Variants in SYN2 observed in about 807,000 individuals in gnomAD.
The protein encoded by SYN2 is synapsin-2.
In SYN2, 19 loss-of-function variants were observed where a neutral mutation model predicts 50.9. The ratio of observed to expected loss-of-function variants is 0.37; its 90% CI spans 0.26 to 0.55. SYN2 has a LOEUF of 0.55. SYN2 is among the 20% of genes least tolerant of loss of function. SYN2 has a pLI of 0.81. For synonymous variants in SYN2, 255 were observed against 224.9 expected (o/e 1.13, Z -1.20); for missense variants, 587 against 576.4 (o/e 1.02, Z -0.19).
intron 1 of SYN2, among the ~76,000 whole-genome samples, chr3:12,073,997 T>G (rs998620261): frequency 2.6e-5 from 4 of 152,164 alleles, no homozygotes; most frequent in Non-Finnish European, 5.9e-5. Flanking sequence ...TCTGTCAACT[T>G]TTGCTTCATA....
chr3:12,155,741 C>T (rs1013829588), intron 5 of SYN2, among the ~76,000 whole-genome samples: 3 of 152,190 alleles, frequency 2.0e-5, no homozygotes, highest in African/African-American at 7.2e-5. Context: ...ACTTGACCTC[C>T]CTGAAGGCAG....
intron 1 of SYN2, among the ~76,000 whole-genome samples, chr3:12,054,639 G>A (rs992345854): frequency 1.5e-4 from 23 of 149,148 alleles, no homozygotes; most frequent in Non-Finnish European, 2.7e-4. Context: ...TGGACAATTT[G>A]GTATCTAGGA....
intron 1 of SYN2, among the ~76,000 whole-genome samples, chr3:12,074,347 G>T (rs1352205879): frequency 6.6e-6 from 1 of 152,008 alleles, no homozygotes; most frequent in Non-Finnish European, 1.5e-5. Flanking sequence ...TCTACTGTTT[G>T]TATAATGCTC....
intron 1 of SYN2, among the ~76,000 whole-genome samples, chr3:12,063,376 T>C (rs906357178): frequency 6.6e-6 from 1 of 151,994 alleles, no homozygotes; most frequent in South Asian, 2.1e-4. Context: ...GTCTGTAAGA[T>C]TAAAGGCAAA....
At chr3:12,189,676 A>G (rs1559461842) in intron 12 of SYN2, among the ~76,000 whole-genome samples, 1 of 152,162 alleles carries the variant, frequency 6.6e-6, no homozygotes, top group Non-Finnish European at 1.5e-5. Context: ...GGTGGCAACC[A>G]TCTGTAGTCC....
intron 7 of SYN2, among the ~76,000 whole-genome samples, chr3:12,166,812 C>T (rs1285825262): frequency 6.6e-6 from 1 of 152,124 alleles, no homozygotes; most frequent in Non-Finnish European, 1.5e-5. Flanking sequence ...AATGGGTAGG[C>T]GTCTGGGAAC....
intron 1 of SYN2, among the ~76,000 whole-genome samples, chr3:12,026,734 C>A (rs1694267504): frequency 6.6e-6 from 1 of 152,080 alleles, no homozygotes; most frequent in African/African-American, 2.4e-5. Context: ...ATCACTGAGC[C>A]ACTTTGTAAA....
intron 1 of SYN2, among the ~76,000 whole-genome samples, chr3:12,051,323 CT>C (rs1366208493): frequency 1.3e-4 from 19 of 147,692 alleles, no homozygotes; most frequent in Admixed American, 2.0e-4. Context: ...TCCCTGGTGG[CT>C]TTTTTTTTTG....
intron 5 of SYN2, chr3:12,159,005 C>T (rs1422460736): frequency 2.5e-5 from 26 of 1,027,762 alleles, no homozygotes; most frequent in South Asian, 9.1e-5. Flanking sequence ...CTAGGCCACC[C>T]GCGGAGGCAG....
At chr3:12,104,060 C>G (rs1156827109) in intron 1 of SYN2, among the ~76,000 whole-genome samples, 1 of 152,116 alleles carries the variant, frequency 6.6e-6, no homozygotes, top group Non-Finnish European at 1.5e-5. Flanking sequence ...AACAATAATA[C>G]TTAAATAAAG....
chr3:12,110,315 A>G (rs977947323), intron 1 of SYN2, among the ~76,000 whole-genome samples: 2 of 152,178 alleles, frequency 1.3e-5, no homozygotes, highest in African/African-American at 4.8e-5. Flanking sequence ...GCAGCTCTGT[A>G]CCTGTGACTT....
At chr3:12,129,939 A>T (rs308966) in intron 1 of SYN2, among the ~76,000 whole-genome samples, 96,972 of 151,852 alleles carry the variant, frequency 0.64, 33,587 homozygotes, top group Middle Eastern at 0.78. Flanking sequence ...TCCTCATAAG[A>T]AGAGAGACCA....
At chr3:12,143,318 T>C (rs969114734) in intron 3 of SYN2, among the ~76,000 whole-genome samples, 2 of 152,192 alleles carry the variant, frequency 1.3e-5, no homozygotes, top group East Asian at 3.8e-4. Flanking sequence ...GGGATTCATG[T>C]ACAGATTTGT....
chr3:12,013,887 T>C (rs895615863), intron 1 of SYN2, among the ~76,000 whole-genome samples: 2 of 152,216 alleles, frequency 1.3e-5, no homozygotes, highest in Non-Finnish European at 2.9e-5. Flanking sequence ...ACTGAACTGT[T>C]TGCACTTCCA....
At chr3:12,072,549 G>GGTT (rs1695380462) in intron 1 of SYN2, among the ~76,000 whole-genome samples, 2 of 152,208 alleles carry the variant, frequency 1.3e-5, no homozygotes, top group South Asian at 2.1e-4. Flanking sequence ...ATCGATATAT[G>GGTT]GTTGTCCCAG....
At chr3:12,158,927 C>T (rs543242075) in intron 5 of SYN2, 24 of 1,426,716 alleles carry the variant, frequency 1.7e-5, no homozygotes, top group Admixed American at 1.7e-4. Flanking sequence ...TTGTGCCCCT[C>T]GCCCCAGGCT....
intron 1 of SYN2, among the ~76,000 whole-genome samples, chr3:12,057,350 T>C (rs545405994): frequency 6.6e-6 from 1 of 151,060 alleles, no homozygotes; most frequent in East Asian, 2.0e-4. Flanking sequence ...TTTAAATCCC[T>C]TATTTTTAGG....
intron 1 of SYN2, among the ~76,000 whole-genome samples, chr3:12,059,601 C>T (rs902578088): frequency 6.6e-6 from 1 of 152,060 alleles, no homozygotes; most frequent in African/African-American, 2.4e-5. Context: ...AAAAACAACT[C>T]AGGGACATAC....
rs1215272162 is a variant in SYN2, at chr3:12,140,663, T to C, written c.390T>C (p.Phe130=). The part of the protein sequence containing the change: ...DEPHADWAKC[F]RGKKVLGDYD... The stretch of plus-strand genomic sequence containing the variant: ...TTCTTTTCTCCAGGGCCAAGTGCTT[T>C]CGGGGCAAAAAAGTCCTTGGAGATT... Residue 130 remains phenylalanine (F), a synonymous_variant, in exon 2 of 13, where the codon TTT becomes TTC. Coordinates refer to ENST00000621198, the MANE Select transcript of SYN2 (RefSeq NM_133625.6). 1 of 763,542 alleles carries C rather than the reference T, an allele frequency of 1.3e-6. No individual in the cohort carries two copies. The highest frequency in any genetic ancestry group is 1.7e-5 in the African/African-American group (1 of 59,100). The allele number at this position is 763,542 out of a possible 1,614,324, so 47.3% of individuals were successfully genotyped here.
Sources: gnomAD v4.1 joint callset for allele counts (sites outside exome capture counted in the v4.1 genomes callset) on GRCh38, gnomAD v4.1.1 for gene constraint, MANE v1.5 for transcripts, NCBI Gene and HGNC (gene_info 2026-07-23, HGNC 2026-07-21) for gene names.